Variants in CDH12 observed in about 807,000 individuals in gnomAD.
The protein encoded by CDH12 is cadherin 12.
A neutral mutation model predicts 74.1 loss-of-function variants in CDH12; 41 were observed. The observed-to-expected ratio is 0.55, with a 90% CI of 0.43 to 0.72. CDH12 has a LOEUF of 0.72. Among genes scored for constraint, CDH12 ranks in the 30% least tolerant of loss-of-function variants. CDH12 has a pLI of 0.00. For synonymous variants in CDH12, 399 were observed against 355.0 expected (o/e 1.12, Z -1.39); for missense variants, 945 against 977.2 (o/e 0.97, Z 0.44).
rs947916056 is a variant in CDH12 at position 22,510,389 on chromosome 5, G to A, written c.-522-5025C>T. Among the ~76,000 whole-genome samples the A allele has an allele frequency of 6.6e-5, 10 of 151,966 alleles. No individual in the cohort carries two copies. The East Asian group carries it at 9.6e-4, about 15-fold the overall frequency. ...TGTTATAAAAATATGGAAAAAAAAC[G>A]TATGTTATTGGCATAGAGTCTAAAT... On this transcript the variant is annotated intron_variant, in intron 1 of 14. Coordinates refer to ENST00000382254, the MANE Select transcript of CDH12 (RefSeq NM_004061.5).
At chr5:22,169,488 T>C (rs1322821190) in intron 4 of CDH12, among the ~76,000 whole-genome samples, 11 of 151,970 alleles carry the variant, frequency 7.2e-5, no homozygotes, top group African/African-American at 2.2e-4. Context: ...ACTTTGAGGA[T>C]GCAGACAGAA....
intron 1 of CDH12, among the ~76,000 whole-genome samples, chr5:22,798,838 G>T (rs2126409863): frequency 6.6e-6 from 1 of 152,136 alleles, no homozygotes; most frequent in African/African-American, 2.4e-5. Flanking sequence ...TCTCCATCAG[G>T]TATGGTGGCT....
chr5:22,280,872 A>T (rs923160387), intron 3 of CDH12, among the ~76,000 whole-genome samples: 5 of 152,208 alleles, frequency 3.3e-5, no homozygotes, highest in Non-Finnish European at 7.3e-5. Context: ...AACTCATTTT[A>T]TGAGGCCAGT....
chr5:22,767,933 G>C (rs1261486973), intron 1 of CDH12, among the ~76,000 whole-genome samples: 2 of 151,648 alleles, frequency 1.3e-5, no homozygotes, highest in Non-Finnish European at 2.9e-5. Context: ...TTTAAACTAT[G>C]GTCTATGATT....
chr5:22,216,693 C>A (rs1751815906), intron 3 of CDH12, among the ~76,000 whole-genome samples: 1 of 151,880 alleles, frequency 6.6e-6, no homozygotes, highest in Non-Finnish European at 1.5e-5. Context: ...TGACTAAACT[C>A]ACCAGCCTTC....
intron 8 of CDH12, among the ~76,000 whole-genome samples, chr5:21,830,298 G>T (rs1391860941): frequency 2.9e-5 from 4 of 139,222 alleles, no homozygotes; most frequent in African/African-American, 1.1e-4. Flanking sequence ...ACCACCACTT[G>T]TTCATCTCCA....
At chr5:22,296,980 TTTTC>T (rs1737653994) in intron 3 of CDH12, among the ~76,000 whole-genome samples, 1 of 102,390 alleles carries the variant, frequency 9.8e-6, no homozygotes, top group African/African-American at 3.1e-5. Context: ...TCTTTTATTC[TTTTC>T]TTTCTTTCTT....
At chr5:22,652,480 G>A (rs1386545) in intron 1 of CDH12, among the ~76,000 whole-genome samples, 17,921 of 152,010 alleles carry the variant, frequency 0.12, 1,393 homozygotes, top group East Asian at 0.43. Context: ...ATTTCAGATC[G>A]ATTCCATTTG....
chr5:22,370,887 T>C lies in CDH12; in HGVS notation c.-333+34370A>G, dbSNP rs185208393. ...TGACTGGAAAAATTCTAGGCGTAGA[T>C]GCAACAATTAACAAGCACTCTCAAG... On this transcript the variant is annotated intron_variant, in intron 3 of 14. Transcript: ENST00000382254. Among the ~76,000 whole-genome samples the C allele has an allele frequency of 2.7e-3, 404 of 152,304 alleles. 4 individuals are homozygous for C. Among genetic ancestry groups the C allele is most frequent in the Non-Finnish European group, 2.9e-3 (198 of 67,998 alleles).
At chr5:22,736,162 G>C (rs943054416) in intron 1 of CDH12, among the ~76,000 whole-genome samples, 1 of 151,628 alleles carries the variant, frequency 6.6e-6, no homozygotes, top group Non-Finnish European at 1.5e-5. Context: ...TTGTATGCAA[G>C]AATAAAAACA....
At chr5:22,424,239 G>A (rs1206739557) in intron 2 of CDH12, among the ~76,000 whole-genome samples, 4 of 151,956 alleles carry the variant, frequency 2.6e-5, no homozygotes, top group Admixed American at 2.6e-4. Flanking sequence ...CTCTGTCTCT[G>A]GGCTTGTGCC....
At chr5:22,626,482 T>C (rs1738304449) in intron 1 of CDH12, among the ~76,000 whole-genome samples, 1 of 152,202 alleles carries the variant, frequency 6.6e-6, no homozygotes, top group South Asian at 2.1e-4. Flanking sequence ...AGTGCAGAGC[T>C]GAGGCTTAGC....
At chr5:22,030,541 T>A (rs1186204097) in intron 5 of CDH12, among the ~76,000 whole-genome samples, 5 of 152,206 alleles carry the variant, frequency 3.3e-5, no homozygotes, top group Non-Finnish European at 7.3e-5. Flanking sequence ...TGTGCTGTCA[T>A]CCAGGGTTTG....
chr5:22,196,364 C>T (rs1490157327), intron 4 of CDH12, among the ~76,000 whole-genome samples: 25 of 151,930 alleles, frequency 1.6e-4, no homozygotes, highest in African/African-American at 5.8e-4. Context: ...AGGATGGTCT[C>T]GATCTCTCGA....
At chr5:22,372,692 T>C (rs1266899921) in intron 3 of CDH12, among the ~76,000 whole-genome samples, 3 of 152,208 alleles carry the variant, frequency 2.0e-5, no homozygotes, top group African/African-American at 7.2e-5. Flanking sequence ...ACAGAGAAAC[T>C]GTAAGCCCGT....
chr5:22,380,374 A>G (rs1741707965), intron 3 of CDH12, among the ~76,000 whole-genome samples: 1 of 152,204 alleles, frequency 6.6e-6, no homozygotes, highest in Admixed American at 6.5e-5. Context: ...TTCTTTTGTT[A>G]TAACTCTCTC....
chr5:22,702,635 T>C (rs138271798), intron 1 of CDH12, among the ~76,000 whole-genome samples: 56 of 152,188 alleles, frequency 3.7e-4, no homozygotes, highest in African/African-American at 1.3e-3. Context: ...TGAATATAGA[T>C]ATTTTTTCCC....
chr5:21,763,666 T>C (rs986000548), intron 12 of CDH12, among the ~76,000 whole-genome samples: 2 of 152,218 alleles, frequency 1.3e-5, no homozygotes, highest in East Asian at 3.9e-4. Context: ...TTTTGTTTCA[T>C]GACATAATCT....
In CDH12 at chr5:22,591,246, C is replaced by T. The variant is rs142501680; in HGVS notation, c.-522-85882G>A. Among the ~76,000 whole-genome samples, 28 of 152,106 alleles carry T rather than the reference C, an allele frequency of 1.8e-4. No homozygotes were observed. The East Asian group carries it at 5.4e-3, about 29-fold the overall frequency. ...CTGAATTTTATTCTTTTTTGGATGC[C>T]TCCTGCCATGATATAAAATACAATA... On this transcript the variant is annotated intron_variant, in intron 1 of 14. Transcript: ENST00000382254.
Sources: allele counts gnomAD v4.1 joint callset (sites outside exome capture counted in the v4.1 genomes callset), GRCh38; gene constraint gnomAD v4.1.1; transcripts MANE v1.5; gene names NCBI Gene and HGNC (gene_info 2026-07-23, HGNC 2026-07-21).